The following BAZ2B variants were observed in gnomAD, a reference collection of about 807,000 sequenced individuals.
The protein encoded by BAZ2B is bromodomain adjacent to zinc finger domain 2B.
Under a neutral mutation model 246.0 loss-of-function variants are expected in BAZ2B, and 91 were observed. The observed-to-expected ratio is 0.37, with a 90% CI of 0.31 to 0.44. The LOEUF (loss-of-function observed/expected upper bound fraction) is 0.44. Among genes scored for constraint, BAZ2B ranks in the 20% least tolerant of loss-of-function variants. The probability of loss-of-function intolerance (pLI) is 1.00; values close to 1 mark genes in which losing one functional copy is unlikely to be tolerated. For missense variants in BAZ2B, 2,332 were observed against 2,533.7 expected, an observed-to-expected ratio of 0.92 and a Z score of 1.71; for synonymous variants, 855 against 860.0, an observed-to-expected ratio of 0.99 and a Z score of 0.10.
intron 1 of BAZ2B, among the ~76,000 whole-genome samples, chr2:159,589,939 C>T (rs1054600774): frequency 6.6e-6 from 1 of 152,062 alleles, no homozygotes; most frequent in Non-Finnish European, 1.5e-5. Context: ...GTGATCCCAG[C>T]ACTTTGGCAG....
At chr2:159,563,987 G>A (rs2090121304) in intron 1 of BAZ2B, among the ~76,000 whole-genome samples, 1 of 152,080 alleles carries the variant, frequency 6.6e-6, no homozygotes, top group African/African-American at 2.4e-5. Flanking sequence ...GTTAGACCTG[G>A]GAGTATAGCA....
chr2:159,522,648 C>T (rs116167437), intron 2 of BAZ2B, among the ~76,000 whole-genome samples: 4,396 of 152,228 alleles, frequency 0.029, 325 homozygotes, highest in Admixed American at 0.18. Flanking sequence ...TTGTCACTGA[C>T]GTCTAATAAT....
the BAZ2B span, among the ~76,000 whole-genome samples, chr2:159,635,328 T>C: frequency 6.6e-6 from 1 of 151,842 alleles, no homozygotes; most frequent in Non-Finnish European, 1.5e-5. Context: ...CTGTTGCTAC[T>C]TTTACAGAGT....
At chr2:159,529,823 CCT>C (rs1342684829) in intron 2 of BAZ2B, among the ~76,000 whole-genome samples, 1 of 150,026 alleles carries the variant, frequency 6.7e-6, no homozygotes, top group Non-Finnish European at 1.5e-5. Flanking sequence ...CATCATATAA[CCT>C]CTGATTGTAT....
chr2:159,452,268 G>T (rs2075194861), intron 4 of BAZ2B, among the ~76,000 whole-genome samples: 1 of 152,138 alleles, frequency 6.6e-6, no homozygotes, highest in Non-Finnish European at 1.5e-5. Flanking sequence ...TTTAAGGAAG[G>T]ATTTGATAAA....
At chr2:159,654,411 G>A in the BAZ2B span, among the ~76,000 whole-genome samples, 1 of 152,068 alleles carries the variant, frequency 6.6e-6, no homozygotes, top group African/African-American at 2.4e-5. Context: ...TGTGAACTGA[G>A]ATCTGACTAA....
At chr2:159,677,304 T>C in the BAZ2B span, among the ~76,000 whole-genome samples, 2 of 152,026 alleles carry the variant, frequency 1.3e-5, no homozygotes, top group Non-Finnish European at 2.9e-5. Context: ...TTTTTCTAAA[T>C]TCTTTAAAAG....
the BAZ2B span, among the ~76,000 whole-genome samples, chr2:159,676,974 A>T: frequency 1.4e-5 from 2 of 141,740 alleles, no homozygotes; most frequent in African/African-American, 2.6e-5. Context: ...ATATATATAT[A>T]TATATATATA....
chr2:159,551,466 CAAA>C (rs57418948), intron 2 of BAZ2B, among the ~76,000 whole-genome samples: 98 of 71,618 alleles, frequency 1.4e-3, no homozygotes, highest in Middle Eastern at 0.017. Context: ...GACTCAGACT[CAAA>C]AAAAAAAAAA....
chr2:159,586,159 C>T (rs1687967743), intron 1 of BAZ2B, among the ~76,000 whole-genome samples: 1 of 152,070 alleles, frequency 6.6e-6, no homozygotes. Context: ...GAACCCATTG[C>T]TATTTACTAT....
chr2:159,356,756 T>C (rs1210651096), intron 27 of BAZ2B, among the ~76,000 whole-genome samples: 1 of 152,160 alleles, frequency 6.6e-6, no homozygotes. Flanking sequence ...GGTGCCCCTG[T>C]GGGACGAAGG....
intron 2 of BAZ2B, among the ~76,000 whole-genome samples, chr2:159,541,571 G>A (rs1030244339): frequency 1.3e-5 from 2 of 152,156 alleles, no homozygotes; most frequent in East Asian, 3.9e-4. Flanking sequence ...GAGCCACTGC[G>A]GCCAGCCAAA....
chr2:159,625,670 G>C, the BAZ2B span, among the ~76,000 whole-genome samples: 1 of 152,154 alleles, frequency 6.6e-6, no homozygotes, highest in Non-Finnish European at 1.5e-5. Context: ...AAGAGCTCCT[G>C]AAGGAAGCAC....
intron 3 of BAZ2B, among the ~76,000 whole-genome samples, chr2:159,455,762 GGTTTT>G (rs1390749200): frequency 1.4e-4 from 14 of 97,158 alleles, no homozygotes; most frequent in African/African-American, 2.1e-4. Flanking sequence ...GAAATATTGT[GGTTTT>G]TTTTTTTTTT....
chr2:159,427,982 T>C lies in BAZ2B; in HGVS notation c.2425A>G (p.Ile809Val). ...GCTTCATAGAAGTCACCCACTCTTA[T>C]TTTTGCACTGAAGCTGAAATTGTCC... ...SRDNFSFSAK[I>V]RVGDFYEARD... The change falls in exon 13 of 37, where the codon ATA becomes GTA. Residue 809 changes from isoleucine to valine, a missense_variant. Coordinates refer to ENST00000392783, the MANE Select transcript of BAZ2B (RefSeq NM_013450.4). 6.2e-7 allele frequency: 1 copy of C among 1,613,536 alleles called. No homozygotes were observed. The highest frequency in any genetic ancestry group is 1.1e-5 in the South Asian group (1 of 91,060).
At chr2:159,566,932 G>A (rs2113862) in intron 1 of BAZ2B, among the ~76,000 whole-genome samples, 140,509 of 152,188 alleles carry the variant, frequency 0.92, 65,361 homozygotes, top group East Asian at 1. Context: ...TGAGGTTAAA[G>A]ATAAGGGTGG....
At chr2:159,621,908 C>T in the BAZ2B span, among the ~76,000 whole-genome samples, 6 of 152,082 alleles carry the variant, frequency 3.9e-5, no homozygotes, top group African/African-American at 1.4e-4. Context: ...GAGTTCGAGA[C>T]CAGCCTGACA....
the BAZ2B span, among the ~76,000 whole-genome samples, chr2:159,707,742 G>A: frequency 3.9e-5 from 6 of 152,100 alleles, no homozygotes; most frequent in South Asian, 2.1e-4. Flanking sequence ...AAGGAGAATC[G>A]CTTGAACCTG....
Position 159,501,424 on chromosome 2 carries a change from C to CTG in BAZ2B, c.-2-22705_-2-22704dup, listed in dbSNP as rs1291697781. Among the ~76,000 whole-genome samples the CTG allele has an allele frequency of 6.8e-5, 10 of 147,972 alleles. No homozygotes were observed. The East Asian group carries it at 1.8e-3, about 27-fold the overall frequency. On this transcript the variant is annotated intron_variant, in intron 2 of 36. Coordinates refer to ENST00000392783, the MANE Select transcript of BAZ2B (RefSeq NM_013450.4). ...CATATGCTGTACACATACACACACA[C>CTG]TGTGTGTGTGCGTTTGTGTGTGAAA...
Sources: gnomAD v4.1 joint callset for allele counts (sites outside exome capture counted in the v4.1 genomes callset) on GRCh38, gnomAD v4.1.1 for gene constraint, MANE v1.5 for transcripts, NCBI Gene and HGNC (gene_info 2026-07-23, HGNC 2026-07-21) for gene names.